Variants in NHLRC2 observed in about 807,000 individuals in gnomAD.
The protein encoded by NHLRC2 is NHL repeat-containing protein 2.
NHLRC2 carries 33 observed loss-of-function variants against 68.1 expected under a neutral mutation model. The ratio of observed to expected loss-of-function variants is 0.48; its 90% confidence interval spans 0.37 to 0.65. The LOEUF is 0.65. Among genes scored for constraint, NHLRC2 ranks in the 30% least tolerant of loss-of-function variants. The pLI is 0.00. For missense variants in NHLRC2, 761 were observed against 853.8 expected (o/e 0.89, Z 1.35); for synonymous variants, 311 against 309.6 (o/e 1.00, Z -0.05).
chr10:113,883,539 A>T (rs924004741), intron 4 of NHLRC2, among the ~76,000 whole-genome samples: 1 of 151,964 alleles, frequency 6.6e-6, no homozygotes, highest in African/African-American at 2.4e-5. Context: ...TGTTACAAAA[A>T]TTTTTTAACT....
intron 8 of NHLRC2, among the ~76,000 whole-genome samples, chr10:113,903,299 G>C (rs1443283263): frequency 6.6e-6 from 1 of 152,120 alleles, no homozygotes; most frequent in Non-Finnish European, 1.5e-5. Flanking sequence ...ACAAGATGGA[G>C]CTAAGGATTT....
chr10:113,868,995 T>G (rs11817710), intron 2 of NHLRC2, among the ~76,000 whole-genome samples: 221 of 152,144 alleles, frequency 1.5e-3, no homozygotes, highest in African/African-American at 5.1e-3. Flanking sequence ...GAGATGAGAT[T>G]TGTTATACTA....
In NHLRC2 at chr10:113,879,667, C is replaced by T. The variant is rs1486301649; in HGVS notation, c.881C>T (p.Ala294Val). The T allele has an allele frequency of 6.5e-7, 1 of 1,539,912 alleles. No individual in the cohort carries two copies. The highest frequency in any genetic ancestry group is 8.9e-7 in the Non-Finnish European group (1 of 1,128,670). The change falls in exon 4 of 11, where the codon GCA becomes GTA. Residue 294 changes from alanine (A) to valine (V), a missense_variant. Ala to Val is a moderately conservative substitution (Grantham distance 64). Coordinates refer to ENST00000369301, the MANE Select transcript of NHLRC2 (RefSeq NM_198514.4). The part of the protein sequence containing the change: ...VAIMNNIIYV[A>V]DTENHLIRKI... ...ATAATGAATAATATCATATATGTGG[C>T]AGACACTGAAAACCACCTTATAAGA... is the stretch of plus-strand genomic sequence containing the variant.
chr10:113,881,042 T>A (rs1343552704), intron 4 of NHLRC2, among the ~76,000 whole-genome samples: 1 of 151,900 alleles, frequency 6.6e-6, no homozygotes, highest in Non-Finnish European at 1.5e-5. Context: ...TAGGACTGTT[T>A]CCATGGTGTA....
Position 113,903,516 on chromosome 10 carries a change from T to C in NHLRC2, c.1495-11T>C, listed in dbSNP as rs1353820110. 3 of 1,558,148 alleles carry C rather than the reference T, an allele frequency of 1.9e-6. No individual in the cohort carries two copies. The highest frequency in any genetic ancestry group is 2.6e-6 in the Non-Finnish European group (3 of 1,134,890). On this transcript the variant is annotated splice_polypyrimidine_tract_variant and intron_variant, in intron 8 of 10. Coordinates refer to ENST00000369301, the MANE Select transcript of NHLRC2 (RefSeq NM_198514.4). Reference sequence around the variant, plus strand: ...CTTCAGTTATATAAGTTTTTGTTCTTTCTTTTTTAGATTAAAGTTGTGGAT... The same window carrying C: ...CTTCAGTTATATAAGTTTTTGTTCTCTCTTTTTTAGATTAAAGTTGTGGAT...
chr10:113,863,159 A>G (rs543655517), intron 2 of NHLRC2, among the ~76,000 whole-genome samples: 67 of 152,322 alleles, frequency 4.4e-4, no homozygotes, highest in Non-Finnish European at 7.8e-4. Context: ...CAACAAGATA[A>G]CACTACCCAA....
chr10:113,907,611 T>G (rs1846288618), intron 10 of NHLRC2, among the ~76,000 whole-genome samples: 1 of 152,230 alleles, frequency 6.6e-6, no homozygotes, highest in South Asian at 2.1e-4. Flanking sequence ...TGTTAGTGGT[T>G]TATTCGATTT....
At chr10:113,888,065 A>G (rs1012283321) in intron 5 of NHLRC2, among the ~76,000 whole-genome samples, 11 of 152,352 alleles carry the variant, frequency 7.2e-5, no homozygotes, top group African/African-American at 2.4e-4. Context: ...CACTATTTCT[A>G]CAAAAGAAAT....
chr10:113,862,592 A>G lies in NHLRC2; in HGVS notation c.331+3912A>G, dbSNP rs180723659. ...GTCCCTCTTTGTCAATAATTACTTT[A>G]AATGTAAATGGATTAAGTCTTCTAA... is the stretch of plus-strand genomic sequence containing the variant. On this transcript the variant is annotated intron_variant, in intron 2 of 10. Coordinates refer to ENST00000369301, the MANE Select transcript of NHLRC2 (RefSeq NM_198514.4). Among the ~76,000 whole-genome samples the G allele has an allele frequency of 3.2e-4, 48 of 152,332 alleles. No homozygotes were observed. In the East Asian group the frequency reaches 8.7e-3, roughly 27 times the overall value.
At chr10:113,864,102 G>GA (rs1194794438) in intron 2 of NHLRC2, among the ~76,000 whole-genome samples, 1 of 151,886 alleles carries the variant, frequency 6.6e-6, no homozygotes, top group African/African-American at 2.4e-5. Context: ...TATGTTAGGT[G>GA]AAAAAAAATT....
At chr10:113,882,822 G>A (rs928119184) in intron 4 of NHLRC2, among the ~76,000 whole-genome samples, 5 of 151,684 alleles carry the variant, frequency 3.3e-5, no homozygotes, top group African/African-American at 9.7e-5. Context: ...TTTAGTTATG[G>A]CTCTTATAAT....
chr10:113,863,471 A>G (rs982086510), intron 2 of NHLRC2, among the ~76,000 whole-genome samples: 3 of 152,192 alleles, frequency 2.0e-5, no homozygotes, highest in Non-Finnish European at 2.9e-5. Flanking sequence ...AACAGGGCTA[A>G]GGAAGAAATT....
In NHLRC2 at chr10:113,914,679, T is replaced by G. The variant is rs558229611; in HGVS notation, c.*6143T>G. On this transcript the variant is annotated 3_prime_UTR_variant, in exon 11 of 11. Transcript: ENST00000369301. Reference sequence around the variant, plus strand: ...TGTGATAATAAGAAAGTGATAATAGTGTCATATTTTAAAAGTAGAATCCAC... The same window carrying G: ...TGTGATAATAAGAAAGTGATAATAGGGTCATATTTTAAAAGTAGAATCCAC... The G allele has an allele frequency of 4.4e-4, 103 of 234,194 alleles. No individual in the cohort carries two copies. The South Asian group carries it at 5.7e-3, about 13-fold the overall frequency. 14.5% of individuals were successfully genotyped at this position (234,194 alleles called of 1,614,324 possible).
At position 113,898,210 on chromosome 10, in the gene NHLRC2, G is replaced by C; in HGVS notation, c.1139+1G>C. On this transcript the variant is annotated splice_donor_variant, in intron 6 of 10. Coordinates refer to ENST00000369301, the MANE Select transcript of NHLRC2 (RefSeq NM_198514.4). LOFTEE classifies it high-confidence loss of function. ...ACTCTGGCAAACTGCCAAAGAAAAAGTAAGTGACAGCCTCTCTCTTTGAGT... is the reference window on the plus strand; with the variant it reads ...ACTCTGGCAAACTGCCAAAGAAAAACTAAGTGACAGCCTCTCTCTTTGAGT... 2 of 1,593,308 alleles carry C rather than the reference G, an allele frequency of 1.3e-6. No individual in the cohort carries two copies. The highest frequency in any genetic ancestry group is 2.2e-5 in the South Asian group (2 of 90,690).
intron 3 of NHLRC2, among the ~76,000 whole-genome samples, chr10:113,877,990 A>G (rs571047656): frequency 2.0e-4 from 31 of 152,342 alleles, no homozygotes; most frequent in Non-Finnish European, 3.7e-4. Context: ...GTGATTTTCA[A>G]AATAGTGTAG....
intron 2 of NHLRC2, among the ~76,000 whole-genome samples, chr10:113,866,974 G>A (rs1388365098): frequency 1.3e-5 from 2 of 152,132 alleles, no homozygotes; most frequent in Non-Finnish European, 2.9e-5. Flanking sequence ...GCCATGTGTT[G>A]TGACAGCACA....
At position 113,904,625 on chromosome 10, in the gene NHLRC2, G is replaced by A. The variant is rs115713339; in HGVS notation, c.1705-192G>A. 1.2e-3 allele frequency among the ~76,000 whole-genome samples: 189 copies of A among 152,090 alleles called. 1 individual carries two copies. Among genetic ancestry groups the A allele is most frequent in the African/African-American group, 4.0e-3 (165 of 41,486 alleles). On this transcript the variant is annotated intron_variant, in intron 9 of 10. Coordinates refer to ENST00000369301, the MANE Select transcript of NHLRC2 (RefSeq NM_198514.4). ...ATAAGTGTTGGGTTTTGTTGTTGTCGCTAAGATAAACTTTCTCTGTGTCTA... is the reference window on the plus strand; with the variant it reads ...ATAAGTGTTGGGTTTTGTTGTTGTCACTAAGATAAACTTTCTCTGTGTCTA...
chr10:113,879,565 T>C lies in NHLRC2; in HGVS notation c.788-9T>C. On this transcript the variant is annotated splice_polypyrimidine_tract_variant and intron_variant, in intron 3 of 10. Coordinates refer to ENST00000369301, the MANE Select transcript of NHLRC2 (RefSeq NM_198514.4). ...CACTTCTTAAGTGGCAAATTTTATC[T>C]TATTTTAGGACCCAACCCTGGAAGA... 1.3e-6 allele frequency: 2 copies of C among 1,593,082 alleles called. No homozygotes were observed. Among genetic ancestry groups the C allele is most frequent in the Non-Finnish European group, 1.7e-6 (2 of 1,171,836 alleles).
intron 6 of NHLRC2, 73 bp from the exon 7 acceptor site, chr10:113,901,593 T>G (rs1159613357): frequency 1.1e-6 from 1 of 907,560 alleles, no homozygotes; most frequent in Non-Finnish European, 1.8e-6. Context: ...ATTATTCACA[T>G]TCATTTATTT....
Sources: allele counts gnomAD v4.1 joint callset (sites outside exome capture counted in the v4.1 genomes callset), GRCh38; gene constraint gnomAD v4.1.1; transcripts MANE v1.5; gene names NCBI Gene and HGNC (gene_info 2026-07-23, HGNC 2026-07-21).